Variants in OXR1 observed in about 807,000 individuals in gnomAD.
OXR1 encodes oxidation resistance protein 1.
Under a neutral mutation model 104.6 loss-of-function variants are expected in OXR1, and 41 were observed. That is an observed-to-expected ratio of 0.39 (90% confidence interval 0.31 to 0.51). The LOEUF (loss-of-function observed/expected upper bound fraction) is 0.51, where lower values mean the gene tolerates loss of function less well. OXR1 is among the 20% of genes least tolerant of loss of function. OXR1 has a pLI of 0.77. For synonymous variants in OXR1, 348 were observed against 348.4 expected (o/e 1.00, Z 0.01); for missense variants, 955 against 1,031.9 (o/e 0.93, Z 1.02).
chr8:106,498,817 C>T (rs932790497), intron 2 of OXR1, among the ~76,000 whole-genome samples: 11 of 152,142 alleles, frequency 7.2e-5, no homozygotes, highest in South Asian at 4.1e-4. Flanking sequence ...TTCATCTCAT[C>T]GTCTTATATA....
chr8:106,383,767 G>A (rs1817256739), intron 2 of OXR1, among the ~76,000 whole-genome samples: 1 of 152,176 alleles, frequency 6.6e-6, no homozygotes, highest in Admixed American at 6.5e-5. Flanking sequence ...TACCTACAGG[G>A]TCTGAAGCCA....
rs560733707 is a variant in OXR1 at position 106,500,665 on chromosome 8, A to G, written c.24-18278A>G. 2.0e-5 allele frequency among the ~76,000 whole-genome samples: 3 copies of G among 152,338 alleles called. No homozygotes were observed. In the South Asian group the frequency reaches 6.2e-4, roughly 32 times the overall value. Reference sequence around the variant, plus strand: ...TCTGTGGCTCATCCTGCTACAATACATTGAAGCGTTACATCCAAGATGTCA... The same window carrying G: ...TCTGTGGCTCATCCTGCTACAATACGTTGAAGCGTTACATCCAAGATGTCA... On this transcript the variant is annotated intron_variant, in intron 2 of 16. Transcript: ENST00000517566.
In OXR1 at chr8:106,706,750, A is replaced by G. The variant is rs1831179513; in HGVS notation, c.1229A>G (p.His410Arg). Reference sequence around the variant, plus strand: ...ACAAATGAAGTTGGGACTTTATGTCATAAAACTGATTTAAATAATCTTGAA... The same window carrying G: ...ACAAATGAAGTTGGGACTTTATGTCGTAAAACTGATTTAAATAATCTTGAA... ...HSTNEVGTLCHKTDLNNLEMA... is the reference protein window; with the variant it reads ...HSTNEVGTLCRKTDLNNLEMA... The change falls in exon 9 of 17, where the codon CAT (histidine) becomes CGT (arginine). Residue 410 changes from histidine (H) to arginine (R), a missense_variant. Around this residue, in one of 2 missense-constraint regions of OXR1, gnomAD observed 849 missense variants for 852.9 expected, o/e 1.00. Transcript: ENST00000517566. 1 of 1,612,408 alleles carries G rather than the reference A, an allele frequency of 6.2e-7. No individual in the cohort carries two copies. Among genetic ancestry groups the G allele is most frequent in the African/African-American group, 1.3e-5 (1 of 74,818 alleles).
intron 2 of OXR1, among the ~76,000 whole-genome samples, chr8:106,465,788 A>G (rs1274664416): frequency 6.6e-6 from 1 of 151,972 alleles, no homozygotes; most frequent in South Asian, 2.1e-4. Flanking sequence ...ATATCACTAG[A>G]TTTAGAGTGG....
At position 106,707,090 on chromosome 8, in the gene OXR1, A is replaced by C. The variant is rs1440457904; in HGVS notation, c.1569A>C (p.Gln523His). 3 of 1,613,880 alleles carry C rather than the reference A, an allele frequency of 1.9e-6. No individual in the cohort carries two copies. The Admixed American group carries it at 5.0e-5, about 27-fold the overall frequency. Reference sequence around the variant, plus strand: ...AACAGCAAAGGGAAAATATTCAACAAGTGTCACAAAAAGAAGCTAAGCATA... The same window carrying C: ...AACAGCAAAGGGAAAATATTCAACACGTGTCACAAAAAGAAGCTAAGCATA... ...QTKQQRENIQ[Q>H]VSQKEAKHKI... The change falls in exon 9 of 17, where the codon CAA becomes CAC. Residue 523 changes from glutamine (Q) to histidine (H), a missense_variant. Transcript: ENST00000517566.
intron 1 of OXR1, among the ~76,000 whole-genome samples, chr8:106,339,450 A>C (rs1425925203): frequency 2.8e-5 from 4 of 142,542 alleles, no homozygotes; most frequent in Non-Finnish European, 6.1e-5. Flanking sequence ...AGCTGAGATC[A>C]AGCCACTACA....
At chr8:106,491,471 C>T (rs188663049) in intron 2 of OXR1, among the ~76,000 whole-genome samples, 1 of 152,260 alleles carries the variant, frequency 6.6e-6, no homozygotes, top group Non-Finnish European at 1.5e-5. Flanking sequence ...AAATAGAACT[C>T]TTTTAACCAA....
At chr8:106,504,186 A>T (rs1397800900) in intron 2 of OXR1, among the ~76,000 whole-genome samples, 1 of 152,182 alleles carries the variant, frequency 6.6e-6, no homozygotes, top group East Asian at 1.9e-4. Context: ...GTACACATGA[A>T]GGAATTATGA....
intron 3 of OXR1, among the ~76,000 whole-genome samples, chr8:106,592,466 G>A (rs1445118379): frequency 2.0e-5 from 3 of 152,108 alleles, no homozygotes; most frequent in Non-Finnish European, 4.4e-5. Flanking sequence ...AAGATATTGA[G>A]GCAGGGCTAG....
At chr8:106,464,612 G>T (rs902849094) in intron 2 of OXR1, among the ~76,000 whole-genome samples, 13 of 151,988 alleles carry the variant, frequency 8.6e-5, no homozygotes, top group Non-Finnish European at 1.8e-4. Flanking sequence ...TCCCCAGGTT[G>T]CTTGGCACTA....
intron 3 of OXR1, among the ~76,000 whole-genome samples, chr8:106,635,837 G>T (rs1823086589): frequency 6.6e-6 from 1 of 152,108 alleles, no homozygotes; most frequent in South Asian, 2.1e-4. Flanking sequence ...TTTCTCCAAA[G>T]GATTTTTTAC....
At chr8:106,398,569 G>A (rs563731055) in intron 2 of OXR1, among the ~76,000 whole-genome samples, 21 of 152,260 alleles carry the variant, frequency 1.4e-4, no homozygotes, top group African/African-American at 4.8e-4. Context: ...AAACTAATTA[G>A]CCTCTTTTCC....
chr8:106,684,234 G>A lies in OXR1; in HGVS notation c.412-12G>A. ...ATTTTAACTAAATCTTTGTGTGAAT[G>A]TTTTCTTACAGGTTCTGTATGTTCC... On this transcript the variant is annotated splice_polypyrimidine_tract_variant and intron_variant, in intron 5 of 16. Coordinates refer to ENST00000517566, the MANE Select transcript of OXR1 (RefSeq NM_001198533.2). The A allele has an allele frequency of 7.4e-7, 1 of 1,348,526 alleles. No homozygotes were observed. The highest frequency in any genetic ancestry group is 1.1e-6 in the Non-Finnish European group (1 of 942,220). The allele number at this position is 1,348,526 out of a possible 1,614,324, so 83.5% of individuals were successfully genotyped here.
intron 1 of OXR1, among the ~76,000 whole-genome samples, chr8:106,277,726 C>T (rs1299342632): frequency 6.6e-6 from 1 of 152,218 alleles, no homozygotes; most frequent in Admixed American, 6.5e-5. Context: ...CTTCAGGGTT[C>T]TAAGATGGCT....
intron 2 of OXR1, among the ~76,000 whole-genome samples, chr8:106,456,393 A>G (rs896999513): frequency 6.6e-6 from 1 of 152,198 alleles, no homozygotes; most frequent in Non-Finnish European, 1.5e-5. Flanking sequence ...AAGCAGAATT[A>G]ACATTATTTA....
At chr8:106,339,309 C>T (rs1226923549) in intron 1 of OXR1, among the ~76,000 whole-genome samples, 1 of 150,648 alleles carries the variant, frequency 6.6e-6, no homozygotes, top group East Asian at 2.0e-4. Flanking sequence ...TCCTGGCTAA[C>T]ACGGTGAAAC....
At chr8:106,678,159 A>G (rs1827790281) in intron 3 of OXR1, among the ~76,000 whole-genome samples, 2 of 151,954 alleles carry the variant, frequency 1.3e-5, no homozygotes, top group Non-Finnish European at 2.9e-5. Flanking sequence ...TGCAGAGGTA[A>G]TTGTCCTTTT....
intron 2 of OXR1, among the ~76,000 whole-genome samples, chr8:106,392,430 G>T (rs17252982): frequency 0.027 from 4,090 of 152,198 alleles, 53 homozygotes; most frequent in Non-Finnish European, 0.031. Context: ...AAGTTAGGTT[G>T]GTGAAGAGAC....
Position 106,342,773 on chromosome 8 carries a change from G to A in OXR1, c.-138-16703G>A, listed in dbSNP as rs543174624. On this transcript the variant is annotated intron_variant, in intron 1 of 16. Coordinates refer to ENST00000517566, the MANE Select transcript of OXR1 (RefSeq NM_001198533.2). ...CCCTCACTATAGTGGGGTTATTTTT[G>A]TGTGGGAAATTGGCAAATTCTATGA... Among the ~76,000 whole-genome samples the A allele has an allele frequency of 5.9e-5, 9 of 152,276 alleles. No homozygotes were observed. In the South Asian group the frequency reaches 1.2e-3, roughly 21 times the overall value.
Sources: allele counts gnomAD v4.1 joint callset (sites outside exome capture counted in the v4.1 genomes callset), GRCh38; gene constraint gnomAD v4.1.1; regional missense constraint gnomAD v4.1.1; transcripts MANE v1.5; gene names NCBI Gene and HGNC (gene_info 2026-07-23, HGNC 2026-07-21).